The following MIPOL1 variants were observed in gnomAD, a reference collection of about 807,000 sequenced individuals.
MIPOL1 encodes the protein mirror-image polydactyly 1.
A neutral mutation model predicts 60.9 loss-of-function variants in MIPOL1; 57 were observed. That is an observed-to-expected ratio of 0.94 (90% CI 0.76 to 1.17). The LOEUF is 1.17. MIPOL1 is among the 50% of genes most tolerant of loss of function. MIPOL1 has a pLI of 0.00. For synonymous variants in MIPOL1, 179 were observed against 168.8 expected, an observed-to-expected ratio of 1.06 and a Z score of -0.47; for missense variants, 551 against 511.6, an observed-to-expected ratio of 1.08 and a Z score of -0.74.
chr14:37,407,559 G>A (rs1227141858), intron 10 of MIPOL1, among the ~76,000 whole-genome samples: 2 of 151,996 alleles, frequency 1.3e-5, no homozygotes, highest in African/African-American at 2.4e-5. Flanking sequence ...GGATATCAGA[G>A]ACTTATAACA....
chr14:37,357,798 C>T (rs1050997041), intron 9 of MIPOL1, among the ~76,000 whole-genome samples: 2 of 151,452 alleles, frequency 1.3e-5, no homozygotes, highest in Non-Finnish European at 2.9e-5. Flanking sequence ...GTTTTGGTTG[C>T]CTGTGCTTGT....
intron 6 of MIPOL1, among the ~76,000 whole-genome samples, chr14:37,280,992 G>A (rs550831046): frequency 6.6e-6 from 1 of 152,242 alleles, no homozygotes; most frequent in Non-Finnish European, 1.5e-5. Context: ...TTTCTTAACT[G>A]TGCAGACGCT....
chr14:37,484,042 G>T (rs1264799793), intron 11 of MIPOL1, among the ~76,000 whole-genome samples: 1 of 152,212 alleles, frequency 6.6e-6, no homozygotes, highest in Non-Finnish European at 1.5e-5. Context: ...ATCAACAGAT[G>T]AACAGATAAA....
rs188679058 is a variant in MIPOL1, at chr14:37,297,320, T to C, written c.624-10736T>C. Among the ~76,000 whole-genome samples, 115 of 152,322 alleles carry C rather than the reference T, an allele frequency of 7.5e-4. 1 individual carries two copies. The East Asian group carries it at 0.018, about 24-fold the overall frequency. ...GGATGTATCTCAAAATAATAAGAGC[T>C]ATGTATGACAAACCCACAGCCAGTA... On this transcript the variant is annotated intron_variant, in intron 7 of 12. Coordinates refer to ENST00000684589, the MANE Select transcript of MIPOL1 (RefSeq NM_001388067.1).
intron 10 of MIPOL1, among the ~76,000 whole-genome samples, chr14:37,398,451 T>C (rs570146334): frequency 6.6e-6 from 1 of 152,288 alleles, no homozygotes; most frequent in South Asian, 2.1e-4. Context: ...TGCATGCTGC[T>C]GTGTCCATCC....
intron 1 of MIPOL1, among the ~76,000 whole-genome samples, chr14:37,234,739 G>T (rs973031399): frequency 6.6e-6 from 1 of 151,354 alleles, no homozygotes; most frequent in Admixed American, 6.6e-5. Flanking sequence ...ATTGGTCCCT[G>T]CAGTACTGAT....
At chr14:37,489,945 G>A (rs2095022219) in intron 11 of MIPOL1, among the ~76,000 whole-genome samples, 1 of 152,166 alleles carries the variant, frequency 6.6e-6, no homozygotes, top group Non-Finnish European at 1.5e-5. Context: ...CCTACTTGAG[G>A]AGGCAGTCTG....
intron 11 of MIPOL1, among the ~76,000 whole-genome samples, chr14:37,479,689 C>A (rs898395727): frequency 1.3e-5 from 2 of 151,832 alleles, no homozygotes; most frequent in African/African-American, 4.8e-5. Context: ...TAATAAAGCT[C>A]AGAGCAGAAG....
intron 9 of MIPOL1, among the ~76,000 whole-genome samples, chr14:37,326,303 A>G (rs991194934): frequency 1.3e-5 from 2 of 152,200 alleles, no homozygotes; most frequent in African/African-American, 2.4e-5. Flanking sequence ...CCTTGAGCAC[A>G]GGCTCACTGC....
At chr14:37,356,527 G>A (rs1372694819) in intron 9 of MIPOL1, among the ~76,000 whole-genome samples, 1 of 152,174 alleles carries the variant, frequency 6.6e-6, no homozygotes, top group African/African-American at 2.4e-5. Flanking sequence ...CTTGCAGTTT[G>A]ATCTCAGACT....
chr14:37,458,209 C>T (rs1015772991), intron 11 of MIPOL1, among the ~76,000 whole-genome samples: 2 of 151,952 alleles, frequency 1.3e-5, no homozygotes, highest in Non-Finnish European at 1.5e-5. Flanking sequence ...AACAGCAATA[C>T]AATAATAGTG....
chr14:37,357,260 T>C (rs963747735), intron 9 of MIPOL1, among the ~76,000 whole-genome samples: 4 of 152,226 alleles, frequency 2.6e-5, no homozygotes, highest in African/African-American at 9.6e-5. Flanking sequence ...TCTCCCATAT[T>C]GTCTCTTCAC....
intron 1 of MIPOL1, among the ~76,000 whole-genome samples, chr14:37,243,111 T>C (rs1972612606): frequency 6.6e-6 from 1 of 152,232 alleles, no homozygotes; most frequent in Non-Finnish European, 1.5e-5. Flanking sequence ...CATAAAAATA[T>C]CTTACATATT....
chr14:37,479,890 TA>T (rs1313065579), intron 11 of MIPOL1, among the ~76,000 whole-genome samples: 29 of 152,144 alleles, frequency 1.9e-4, no homozygotes, highest in African/African-American at 6.7e-4. Context: ...CAAAGTAACA[TA>T]AGGGACTATT....
intron 8 of MIPOL1, 100 bp from the exon 9 acceptor site, chr14:37,308,249 C>T (rs1417432865): frequency 5.0e-6 from 6 of 1,201,254 alleles, no homozygotes; most frequent in Non-Finnish European, 5.8e-6. Flanking sequence ...TAACTTCACT[C>T]AGTCAATTTA....
At chr14:37,406,010 G>A (rs2093581250) in intron 10 of MIPOL1, among the ~76,000 whole-genome samples, 2 of 150,546 alleles carry the variant, frequency 1.3e-5, no homozygotes, top group African/African-American at 2.4e-5. Context: ...TGAAAAATGT[G>A]TTTGTATTAA....
intron 10 of MIPOL1, among the ~76,000 whole-genome samples, chr14:37,415,636 A>AAT (rs1286555161): frequency 1.3e-5 from 2 of 151,428 alleles, no homozygotes; most frequent in Non-Finnish European, 2.9e-5. Context: ...CTCAAAAAAA[A>AAT]AAAAAAAAAT....
At chr14:37,519,960 ACTTTAT>A (rs1447398994) in intron 12 of MIPOL1, among the ~76,000 whole-genome samples, 2 of 152,082 alleles carry the variant, frequency 1.3e-5, no homozygotes, top group African/African-American at 4.8e-5. Context: ...ATCAACTGTT[ACTTTAT>A]CTTTATTTCA....
chr14:37,498,599 A>G (rs2095168431), intron 11 of MIPOL1, among the ~76,000 whole-genome samples: 2 of 152,162 alleles, frequency 1.3e-5, no homozygotes, highest in Admixed American at 6.6e-5. Context: ...AGTTAGATTA[A>G]TAACAATGTG....
Sources: gnomAD v4.1 joint callset for allele counts (sites outside exome capture counted in the v4.1 genomes callset) on GRCh38, gnomAD v4.1.1 for gene constraint, MANE v1.5 for transcripts, NCBI Gene and HGNC (gene_info 2026-07-23, HGNC 2026-07-21) for gene names.